Variants in TMBIM1 observed in about 807,000 individuals in gnomAD.
TMBIM1 encodes the protein protein lifeguard 3.
In TMBIM1, 34 loss-of-function variants were observed where a neutral mutation model predicts 45.1. The observed-to-expected ratio is 0.75, with a 90% CI of 0.57 to 1.00. The LOEUF is 1.00. Among genes scored for constraint, TMBIM1 ranks in the 50% least tolerant of loss-of-function variants. The probability of loss-of-function intolerance (pLI) is 0.00; values close to 1 mark genes in which losing one functional copy is unlikely to be tolerated. For missense variants in TMBIM1, 374 were observed against 402.4 expected (o/e 0.93, Z 0.60); for synonymous variants, 157 against 153.5 (o/e 1.02, Z -0.17).
In TMBIM1 at chr2:218,277,921, C is replaced by T. The variant is rs887578493; in HGVS notation, c.513+14G>A. On this transcript the variant is annotated intron_variant, in intron 7 of 11. Transcript: ENST00000258412. Reference sequence around the variant, plus strand: ...CAGCATCTCCACACCCTCCTGCCACCCTTCTAGACTTACAAAAAGGGTCAG... The same window carrying T: ...CAGCATCTCCACACCCTCCTGCCACTCTTCTAGACTTACAAAAAGGGTCAG... 3.1e-6 allele frequency: 5 copies of T among 1,614,140 alleles called. No individual in the cohort carries two copies. The highest frequency in any genetic ancestry group is 1.1e-5 in the South Asian group (1 of 91,064).
rs367710604 is a variant in TMBIM1, at chr2:218,277,001, C to T, written c.735+3G>A. The T allele has an allele frequency of 3.1e-6, 5 of 1,613,476 alleles. No homozygotes were observed. The highest frequency in any genetic ancestry group is 4.2e-6 in the Non-Finnish European group (5 of 1,179,430). ...CTGACCCCAGCTCTCCTGGGACACT[C>T]ACGTATTGGAAGTAGAGCACAATGC... On this transcript the variant is annotated splice_donor_region_variant and intron_variant, in intron 10 of 11. Transcript: ENST00000258412.
At position 218,279,082 on chromosome 2, in the gene TMBIM1, G is replaced by A. The variant is rs183968683; in HGVS notation, c.378C>T (p.Val126=). 39 of 1,614,136 alleles carry A rather than the reference G, an allele frequency of 2.4e-5. No homozygotes were observed. Among genetic ancestry groups the A allele is most frequent in the Non-Finnish European group, 3.2e-5 (38 of 1,180,014 alleles). The change falls in exon 5 of 12, where the codon GTC becomes GTT. Residue 126 remains valine (V), a synonymous_variant. Transcript: ENST00000258412. ...IIAIFTFVEP[V]SAFVRRNVAV... ...CCACATTTCTCCTCACAAAGGCGCT[G>A]ACAGGTTCCCTGTGGGGCACAGGAG...
intron 10 of TMBIM1, 84 bp downstream of exon 10, chr2:218,276,920 C>G: frequency 8.4e-7 from 1 of 1,191,794 alleles, no homozygotes; most frequent in Non-Finnish European, 1.2e-6. Flanking sequence ...CCCCGGGGAC[C>G]TTTGGGGCCT....
chr2:218,277,932 T>TA lies in TMBIM1; in HGVS notation c.513+2dup, dbSNP rs771374164. On this transcript the variant is annotated splice_region_variant and intron_variant, in intron 7 of 11. Transcript: ENST00000258412. ...CACCCTCCTGCCACCCTTCTAGACT[T>TA]ACAAAAAGGGTCAGCAGAATGATGT... is the stretch of plus-strand genomic sequence containing the variant. 98 of 1,613,886 alleles carry TA rather than the reference T, an allele frequency of 6.1e-5. 1 individual carries two copies. In the African/African-American group the frequency reaches 1.1e-3, roughly 18 times the overall value.
Position 218,275,332 on chromosome 2 carries a change from A to G in TMBIM1, c.*143T>C. ...CCACACATCCATAGCCAGAGAGGCC[A>G]CCTGTCTCCAGGACAGAAAGGAAAC... is the stretch of plus-strand genomic sequence containing the variant. On this transcript the variant is annotated 3_prime_UTR_variant, in exon 12 of 12. Coordinates refer to ENST00000258412, the MANE Select transcript of TMBIM1 (RefSeq NM_022152.6). 1 of 1,144,864 alleles carries G rather than the reference A, an allele frequency of 8.7e-7. No homozygotes were observed. The highest frequency in any genetic ancestry group is 1.2e-6 in the Non-Finnish European group (1 of 836,958). The allele number at this position is 1,144,864 out of a possible 1,614,324, so 70.9% of individuals were successfully genotyped here.
At chr2:218,277,312 G>A in intron 9 of TMBIM1, 54 bp downstream of exon 9, 3 of 1,533,736 alleles carry the variant, frequency 2.0e-6, no homozygotes, top group African/African-American at 1.4e-5. Flanking sequence ...CGGGGTCCGG[G>A]CCTGATAAGA....
intron 11 of TMBIM1, 31 bp downstream of exon 11, chr2:218,275,995 C>G (rs982845677): frequency 3.7e-6 from 6 of 1,602,414 alleles, no homozygotes; most frequent in Admixed American, 3.4e-5. Flanking sequence ...ATCCCCTCAG[C>G]TCCCCTTCCT....
chr2:218,278,163 GACCTGTGTTGTGGCGCCAGAAAC>G, intron 6 of TMBIM1, 189 bp from the exon 7 acceptor site: 1 of 642,200 alleles, frequency 1.6e-6, no homozygotes, highest in Admixed American at 2.9e-5. Context: ...CAATGAGACA[GACCTGTGTTGTGGCGCCAGAAAC>G]ACCTGGATTG....
At position 218,282,136 on chromosome 2, in the gene TMBIM1, G is replaced by A; in HGVS notation, c.6C>T (p.Ser2=). ...CATATGGTGGTGGGGCGCTGGGGTTGGACATGGCTGCTCACGGGCTGAGGG... is the reference window on the plus strand; with the variant it reads ...CATATGGTGGTGGGGCGCTGGGGTTAGACATGGCTGCTCACGGGCTGAGGG... M[S]NPSAPPPYED... The change falls in exon 2 of 12, where the codon TCC becomes TCT. Residue 2 remains serine, a synonymous_variant. Coordinates refer to ENST00000258412, the MANE Select transcript of TMBIM1 (RefSeq NM_022152.6). The A allele has an allele frequency of 6.7e-7, 1 of 1,503,734 alleles. No individual in the cohort carries two copies. Among genetic ancestry groups the A allele is most frequent in the South Asian group, 1.3e-5 (1 of 74,968 alleles). 93.1% of individuals were successfully genotyped at this position (1,503,734 alleles called of 1,614,324 possible).
intron 1 of TMBIM1, among the ~76,000 whole-genome samples, chr2:218,285,206 T>C (rs567013216): frequency 6.6e-6 from 1 of 152,342 alleles, no homozygotes; most frequent in African/African-American, 2.4e-5. Flanking sequence ...AGCAAGTTAA[T>C]ACTGTTATTA....
At chr2:218,280,258 C>A (rs1691754660) in intron 2 of TMBIM1, 132 bp from the exon 3 acceptor site, 2 of 690,866 alleles carry the variant, frequency 2.9e-6, no homozygotes, top group African/African-American at 1.8e-5. Flanking sequence ...AACTCTTCTC[C>A]CAAGCTGGGG....
At chr2:218,291,927 C>G (rs938758658) in intron 1 of TMBIM1, among the ~76,000 whole-genome samples, 3 of 152,116 alleles carry the variant, frequency 2.0e-5, no homozygotes, top group Admixed American at 6.5e-5. Context: ...TCTGCCCCAG[C>G]TGCAAGCTAG....
chr2:218,288,273 C>CA (rs1692681953), intron 1 of TMBIM1, among the ~76,000 whole-genome samples: 1 of 152,034 alleles, frequency 6.6e-6, no homozygotes, highest in African/African-American at 2.4e-5. Flanking sequence ...CTAAAAAATA[C>CA]AAAAAATTAG....
intron 10 of TMBIM1, 119 bp from the exon 11 acceptor site, chr2:218,276,198 C>T: frequency 9.4e-7 from 1 of 1,065,984 alleles, no homozygotes; most frequent in South Asian, 1.4e-5. Context: ...GCTAGCTCTC[C>T]ATGAAAGGCT....
rs550448571 is a variant in TMBIM1 at position 218,275,479 on chromosome 2, T to C, written c.932A>G (p.Asn311Ser). Residue 311 changes from asparagine to serine, a missense_variant, in exon 12 of 12, where the codon AAT becomes AGT. Coordinates refer to ENST00000258412, the MANE Select transcript of TMBIM1 (RefSeq NM_022152.6). ...TFVLQLMGDR[N>S] ...GTGAAAATGGGGGCTTGCTCCTTAA[T>C]TGCGATCCCCCATCAGCTGCAGCAC... 19 of 1,612,936 alleles carry C rather than the reference T, an allele frequency of 1.2e-5. No homozygotes were observed. The highest frequency in any genetic ancestry group is 1.7e-5 in the Admixed American group (1 of 59,912).
intron 6 of TMBIM1, 92 bp downstream of exon 6, chr2:218,278,423 A>G: frequency 2.3e-6 from 3 of 1,285,358 alleles, no homozygotes; most frequent in East Asian, 2.3e-5. Context: ...GTTTCCATTC[A>G]GCTGCTATAA....
In TMBIM1 at chr2:218,275,297, C is replaced by T. The variant is rs1691081506; in HGVS notation, c.*178G>A. ...AGTTAGTCCCTAGCTCCTCCGTCCCCACCAAGTACCCACACATCCATAGCC... is the reference window on the plus strand; with the variant it reads ...AGTTAGTCCCTAGCTCCTCCGTCCCTACCAAGTACCCACACATCCATAGCC... On this transcript the variant is annotated 3_prime_UTR_variant, in exon 12 of 12. Coordinates refer to ENST00000258412, the MANE Select transcript of TMBIM1 (RefSeq NM_022152.6). The T allele has an allele frequency of 1.3e-6, 1 of 753,138 alleles. No homozygotes were observed. The highest frequency in any genetic ancestry group is 2.0e-6 in the Non-Finnish European group (1 of 509,810). 46.7% of individuals were successfully genotyped at this position (753,138 alleles called of 1,614,324 possible). A position where few individuals can be genotyped will look rare whatever the true frequency, so the allele number is the denominator to read the frequency against.
At chr2:218,276,199 A>G (rs1691192428) in intron 10 of TMBIM1, 120 bp from the exon 11 acceptor site, 3 of 1,049,642 alleles carry the variant, frequency 2.9e-6, no homozygotes, top group East Asian at 2.6e-5. Flanking sequence ...CTAGCTCTCC[A>G]TGAAAGGCTA....
rs202062977 is a variant in TMBIM1 at position 218,279,071 on chromosome 2, A to C, written c.389T>G (p.Val130Gly). The C allele has an allele frequency of 5.6e-6, 9 of 1,614,136 alleles. No homozygotes were observed. The highest frequency in any genetic ancestry group is 1.7e-6 in the Non-Finnish European group (2 of 1,179,994). Residue 130 changes from valine (V) to glycine (G), a missense_variant, in exon 5 of 12, where the codon GTG (valine) becomes GGG (glycine). Coordinates refer to ENST00000258412, the MANE Select transcript of TMBIM1 (RefSeq NM_022152.6). ...FTFVEPVSAF[V>G]RRNVAVYYVS... ...GTAGTAGACAGCCACATTTCTCCTC[A>C]CAAAGGCGCTGACAGGTTCCCTGTG...
Sources: gnomAD v4.1 joint callset for allele counts (sites outside exome capture counted in the v4.1 genomes callset) on GRCh38, gnomAD v4.1.1 for gene constraint, MANE v1.5 for transcripts, NCBI Gene and HGNC (gene_info 2026-07-23, HGNC 2026-07-21) for gene names.